The following PRICKLE4 variants were observed in gnomAD, a reference collection of about 807,000 sequenced individuals.
PRICKLE4 encodes prickle-like protein 4.
Under a neutral mutation model 43.5 loss-of-function variants are expected in PRICKLE4, and 40 were observed. The observed-to-expected ratio is 0.92, with a 90% CI of 0.71 to 1.20. PRICKLE4 has a LOEUF of 1.20. Among genes scored for constraint, PRICKLE4 ranks in the 50% most tolerant of loss-of-function variants. The pLI, the probability that PRICKLE4 is intolerant of heterozygous loss-of-function variation, is 0.00. For synonymous variants in PRICKLE4, 208 were observed against 197.4 expected (o/e 1.05, Z -0.45); for missense variants, 527 against 491.2 (o/e 1.07, Z -0.69).
chr6:41,786,059 G>A lies in PRICKLE4; in HGVS notation c.583-69G>A. 7 of 1,503,226 alleles carry A rather than the reference G, an allele frequency of 4.7e-6. No homozygotes were observed. The South Asian group carries it at 8.0e-5, about 17-fold the overall frequency. 93.1% of individuals were successfully genotyped at this position (1,503,226 alleles called of 1,614,324 possible). On this transcript the variant is annotated intron_variant, in intron 6 of 7. Transcript: ENST00000458694. ...CTTTAGCGTTAACTGGGTAAAAGGC[G>A]TGGTTACTGGATGAATGAATGAGGG... is the stretch of plus-strand genomic sequence containing the variant.
At chr6:41,781,628 A>G (rs1772555352) in intron 2 of PRICKLE4, 108 bp downstream of exon 2, 1 of 152,614 alleles carries the variant, frequency 6.6e-6, no homozygotes, top group Non-Finnish European at 1.5e-5. Flanking sequence ...ATTAACTGTT[A>G]CAGTCCAAAC....
At position 41,786,282 on chromosome 6, in the gene PRICKLE4, C is replaced by A. The variant is rs1045214043; in HGVS notation, c.737C>A (p.Ser246Ter). 6 of 1,593,776 alleles carry A rather than the reference C, an allele frequency of 3.8e-6. No homozygotes were observed. The highest frequency in any genetic ancestry group is 1.1e-5 in the South Asian group (1 of 89,476). ...CCCAGCTGCTTCGAGAACCGCTACTCGGATGCAGGCTCGAGCTGGGCCGGG... is the reference window on the plus strand; with the variant it reads ...CCCAGCTGCTTCGAGAACCGCTACTAGGATGCAGGCTCGAGCTGGGCCGGG... ...CCPSCFENRY[S>*]DAGSSWAGAL... is the part of the protein sequence containing the mutation. Residue 246 changes from serine (S) to a stop codon, truncating the protein, a stop_gained, in exon 7 of 8, where the codon TCG (serine) becomes TAG (stop). Coordinates refer to ENST00000458694, the MANE Select transcript of PRICKLE4 (RefSeq NM_013397.6). LOFTEE classifies it high-confidence loss of function.
Position 41,783,579 on chromosome 6 carries a change from G to A in PRICKLE4, c.106G>A (p.Glu36Lys). 6.2e-7 allele frequency: 1 copy of A among 1,613,598 alleles called. No homozygotes were observed. Among genetic ancestry groups the A allele is most frequent in the Non-Finnish European group, 8.5e-7 (1 of 1,179,816 alleles). ...SDSDSGHLPG[E>K]DPEDTHAQGP... ...CAGTGACTCAGGCCACCTGCCGGGG[G>A]AGGACCCTGAGGATACCCATGCTCA... The change falls in exon 3 of 8, where the codon GAG (glutamate) becomes AAG (lysine). Residue 36 changes from glutamate to lysine, a missense_variant. By Grantham distance (56) the Glu-to-Lys change is moderately conservative (BLOSUM62 1). Transcript: ENST00000458694.
In PRICKLE4 at chr6:41,784,987, T is replaced by C; in HGVS notation, c.293T>C (p.Phe98Ser). Residue 98 changes from phenylalanine to serine, a missense_variant, in exon 5 of 8, where the codon TTC becomes TCC. Transcript: ENST00000458694. ...GEEERAELQL[F>S]CARRKQEALG... ...GAGGAGCGGGCCGAGCTGCAGCTCT[T>C]CTGTGCCAGGCGGAAGCAGGAAGCC... The C allele has an allele frequency of 6.2e-7, 1 of 1,613,912 alleles. No homozygotes were observed. Among genetic ancestry groups the C allele is most frequent in the Admixed American group, 1.7e-5 (1 of 59,912 alleles).
intron 2 of PRICKLE4, 96 bp downstream of exon 2, chr6:41,781,616 A>G (rs1456997737): frequency 6.6e-6 from 1 of 152,642 alleles, no homozygotes; most frequent in African/African-American, 2.4e-5. Context: ...CTGGGAAGCA[A>G]TATTAACTGT....
At chr6:41,783,254 T>G (rs1772581671) in intron 2 of PRICKLE4, among the ~76,000 whole-genome samples, 1 of 152,202 alleles carries the variant, frequency 6.6e-6, no homozygotes. Context: ...CCTCAAGTCC[T>G]GGCTCTGCCA....
At chr6:41,783,425 C>A in intron 2 of PRICKLE4, 37 bp from the exon 3 acceptor site, 1 of 1,445,862 alleles carries the variant, frequency 6.9e-7, no homozygotes, top group Non-Finnish European at 9.4e-7. Context: ...ATTGTAACGG[C>A]CTAATACATG....
In PRICKLE4 at chr6:41,785,327, C is replaced by T. The variant is rs112519549; in HGVS notation, c.379-10C>T. On this transcript the variant is annotated splice_polypyrimidine_tract_variant and intron_variant, in intron 5 of 7. Transcript: ENST00000458694. ...TTACTCCGACCACCTCAGCACCTCC[C>T]CTCTGACAGTGTAGGGAGCTGCTGA... The T allele has an allele frequency of 5.3e-3, 8,592 of 1,613,484 alleles. 135 individuals are homozygous for T. The highest frequency in any genetic ancestry group is 0.053 in the African/African-American group (3,944 of 75,032).
intron 6 of PRICKLE4, 44 bp from the exon 7 acceptor site, chr6:41,786,084 G>T (rs1772638612): frequency 5.8e-6 from 9 of 1,560,118 alleles, no homozygotes; most frequent in African/African-American, 2.7e-5. Flanking sequence ...ATGAATGAGG[G>T]AATGAATGAA....
At position 41,786,509 on chromosome 6, in the gene PRICKLE4, G is replaced by C. The variant is rs189654510; in HGVS notation, c.787+177G>C. On this transcript the variant is annotated intron_variant, in intron 7 of 7. Transcript: ENST00000458694. ...AGCTCTCACCGCGCATCCCTGGCCGGAGCGTTCCAAGGGCCGCCCGAACCC... is the reference window on the plus strand; with the variant it reads ...AGCTCTCACCGCGCATCCCTGGCCGCAGCGTTCCAAGGGCCGCCCGAACCC... The C allele has an allele frequency of 1.7e-3, 1,757 of 1,047,042 alleles. 11 individuals are homozygous for C. Among genetic ancestry groups the C allele is most frequent in the African/African-American group, 0.016 (984 of 61,100 alleles). The allele number at this position is 1,047,042 out of a possible 1,614,324, so 64.9% of individuals were successfully genotyped here.
chr6:41,787,137 G>C lies in PRICKLE4; in HGVS notation c.*8G>C, dbSNP rs1352279262. The stretch of plus-strand genomic sequence containing the variant: ...CACTGCACCATGTGCTAGTGGCGCA[G>C]CTCAGAGAGGGGATGTGAGTGGGAG... On this transcript the variant is annotated 3_prime_UTR_variant, in exon 8 of 8. Coordinates refer to ENST00000458694, the MANE Select transcript of PRICKLE4 (RefSeq NM_013397.6). The C allele has an allele frequency of 1.3e-6, 2 of 1,591,882 alleles. No homozygotes were observed. Among genetic ancestry groups the C allele is most frequent in the African/African-American group, 2.7e-5 (2 of 74,334 alleles).
chr6:41,784,976 G>A lies in PRICKLE4; in HGVS notation c.282G>A (p.Glu94=), dbSNP rs1772615908. The change falls in exon 5 of 8, where the codon GAG becomes GAA. Residue 94 remains glutamate, a synonymous_variant. Transcript: ENST00000458694. ...CCCTTGGGGAGGAGGAGCGGGCCGA[G>A]CTGCAGCTCTTCTGTGCCAGGCGGA... ...CLALGEEERA[E]LQLFCARRKQ... 1.9e-6 allele frequency: 3 copies of A among 1,614,052 alleles called. No homozygotes were observed. Among genetic ancestry groups the A allele is most frequent in the South Asian group, 2.2e-5 (2 of 91,070 alleles).
Position 41,785,375 on chromosome 6 carries a change from T to C in PRICKLE4, c.417T>C (p.Phe139=). Reference sequence around the variant, plus strand: ...TGAAGCCAGGGGAGTACGGAGTGTTTGCAGCCCGGGCAGGGGAACAGCGCT... The same window carrying C: ...TGAAGCCAGGGGAGTACGGAGTGTTCGCAGCCCGGGCAGGGGAACAGCGCT... ...ELLKPGEYGV[F]AARAGEQRCW... The change falls in exon 6 of 8, where the codon TTT becomes TTC. Residue 139 remains phenylalanine, a synonymous_variant. Coordinates refer to ENST00000458694, the MANE Select transcript of PRICKLE4 (RefSeq NM_013397.6). 1 of 1,614,006 alleles carries C rather than the reference T, an allele frequency of 6.2e-7. No homozygotes were observed. The highest frequency in any genetic ancestry group is 8.5e-7 in the Non-Finnish European group (1 of 1,180,000).
At position 41,786,795 on chromosome 6, in the gene PRICKLE4, A is replaced by C. The variant is rs1772664472; in HGVS notation, c.821A>C (p.Asp274Ala). 2 of 1,610,544 alleles carry C rather than the reference A, an allele frequency of 1.2e-6. No homozygotes were observed. Among genetic ancestry groups the C allele is most frequent in the Admixed American group, 1.7e-5 (1 of 59,564 alleles). The change falls in exon 8 of 8, where the codon GAC becomes GCC. Residue 274 changes from aspartate to alanine, a missense_variant. Coordinates refer to ENST00000458694, the MANE Select transcript of PRICKLE4 (RefSeq NM_013397.6). The stretch of plus-strand genomic sequence containing the variant: ...GGACTCGACCGAACTGAAGGAAGGG[A>C]CCAAACCTCGGTGAACTCTGCAACC... ...ETGLDRTEGR[D>A]QTSVNSATLS...
In PRICKLE4 at chr6:41,787,194, T is replaced by C; in HGVS notation, c.*65T>C. The C allele has an allele frequency of 6.6e-7, 1 of 1,513,504 alleles. No homozygotes were observed. The highest frequency in any genetic ancestry group is 1.8e-4 in the Middle Eastern group (1 of 5,558). 93.8% of individuals were successfully genotyped at this position (1,513,504 alleles called of 1,614,324 possible). On this transcript the variant is annotated 3_prime_UTR_variant, in exon 8 of 8. Transcript: ENST00000458694. ...GGTCTGTAAAGCGGGAGAACAAGGC[T>C]AGCCTCCCCCTAACAATCCTAGACT...
intron 2 of PRICKLE4, among the ~76,000 whole-genome samples, chr6:41,783,074 T>C (rs6905726): frequency 0.56 from 85,354 of 151,610 alleles, 24,345 homozygotes; most frequent in Admixed American, 0.64. Flanking sequence ...TGTGGGTGCA[T>C]GGTGAGAAAC....
chr6:41,784,950 G>A lies in PRICKLE4; in HGVS notation c.256G>A (p.Ala86Thr). ...GTTTCTGCAGGAGCGCTACTGCCTG[G>A]CCCTTGGGGAGGAGGAGCGGGCCGA... ...PQDIDERYCL[A>T]LGEEERAELQ... is the part of the protein sequence containing the mutation. The change falls in exon 5 of 8, where the codon GCC (alanine) becomes ACC (threonine). Residue 86 changes from alanine to threonine, a missense_variant. Ala to Thr is a moderately conservative substitution (Grantham distance 58, BLOSUM62 0). Transcript: ENST00000458694. 1 of 1,614,028 alleles carries A rather than the reference G, an allele frequency of 6.2e-7. No individual in the cohort carries two copies. Among genetic ancestry groups the A allele is most frequent in the Non-Finnish European group, 8.5e-7 (1 of 1,179,992 alleles).
At chr6:41,785,614 G>A (rs1581979062) in intron 6 of PRICKLE4, 74 bp downstream of exon 6, 1 of 1,456,328 alleles carries the variant, frequency 6.9e-7, no homozygotes, top group Non-Finnish European at 9.4e-7. Context: ...ACACTCTCCT[G>A]GGCCACAGTT....
Position 41,787,299 on chromosome 6 carries a change from TAA to T in PRICKLE4, c.*171_*172del. The T allele has an allele frequency of 1.0e-6, 1 of 994,812 alleles. No individual in the cohort carries two copies. Among genetic ancestry groups the T allele is most frequent in the South Asian group, 1.8e-5 (1 of 55,168 alleles). 61.6% of individuals were successfully genotyped at this position (994,812 alleles called of 1,614,324 possible). A position where few individuals can be genotyped will look rare whatever the true frequency, so the allele number is the denominator to read the frequency against. ...GCGCCCCCTTCAGTACTGCGCGTTC[TAA>T]GACTTTTGGCGGAGACTTTCTTGGC... is the stretch of plus-strand genomic sequence containing the variant. On this transcript the variant is annotated 3_prime_UTR_variant, in exon 8 of 8. Transcript: ENST00000458694.
Sources: allele counts gnomAD v4.1 joint callset (sites outside exome capture counted in the v4.1 genomes callset), GRCh38; gene constraint gnomAD v4.1.1; transcripts MANE v1.5; gene names NCBI Gene and HGNC (gene_info 2026-07-23, HGNC 2026-07-21).